The following SLC1A1 variants were observed in gnomAD, a reference collection of about 807,000 sequenced individuals.
The protein encoded by SLC1A1 is excitatory amino acid transporter 3.
A neutral mutation model predicts 53.3 loss-of-function variants in SLC1A1; 43 were observed. The observed-to-expected ratio is 0.81, with a 90% CI of 0.63 to 1.04. The LOEUF is 1.04. SLC1A1 is among the 50% of genes least tolerant of loss of function. SLC1A1 has a pLI of 0.00. For missense variants in SLC1A1, 748 were observed against 664.9 expected, an observed-to-expected ratio of 1.12 and a Z score of -1.37; for synonymous variants, 307 against 243.2, an observed-to-expected ratio of 1.26 and a Z score of -2.44.
chr9:4,497,372 C>G (rs1363488214), intron 1 of SLC1A1, among the ~76,000 whole-genome samples: 2 of 152,134 alleles, frequency 1.3e-5, no homozygotes, highest in Admixed American at 1.3e-4. Context: ...GATATTATTA[C>G]CCTATATTCT....
At chr9:4,529,074 G>A (rs56777089) in intron 1 of SLC1A1, among the ~76,000 whole-genome samples, 3,334 of 151,968 alleles carry the variant, frequency 0.022, 128 homozygotes, top group African/African-American at 0.077. Context: ...ATACTAACTC[G>A]TCCACCTCCT....
intron 2 of SLC1A1, among the ~76,000 whole-genome samples, chr9:4,555,054 G>A (rs559065712): frequency 2.0e-5 from 3 of 152,306 alleles, no homozygotes; most frequent in East Asian, 1.9e-4. Context: ...ACCTAAAGGC[G>A]ATAGAGGCAT....
chr9:4,584,136 T>G (rs1291674580), intron 11 of SLC1A1, among the ~76,000 whole-genome samples: 2 of 152,202 alleles, frequency 1.3e-5, no homozygotes, highest in East Asian at 3.8e-4. Flanking sequence ...TCCAGTGCTA[T>G]GTACTGTAGT....
chr9:4,509,872 C>G lies in SLC1A1; in HGVS notation c.91+19102C>G, dbSNP rs141962566. ...TTACTGAGATGGAATCTTGCTCTGT[C>G]CCCCAGGCTGGAGTGCAGTGGTATG... On this transcript the variant is annotated intron_variant, in intron 1 of 11. Transcript: ENST00000262352. Among the ~76,000 whole-genome samples the G allele has an allele frequency of 5.2e-3, 787 of 152,234 alleles. 5 individuals carry two copies. The highest frequency in any genetic ancestry group is 7.7e-3 in the Non-Finnish European group (522 of 68,008).
chr9:4,581,582 G>A (rs933015353), intron 10 of SLC1A1, among the ~76,000 whole-genome samples: 7 of 152,182 alleles, frequency 4.6e-5, no homozygotes, highest in Non-Finnish European at 7.3e-5. Flanking sequence ...AGCTGGCATG[G>A]ACACAAATCA....
At chr9:4,577,691 T>A (rs906541168) in intron 10 of SLC1A1, among the ~76,000 whole-genome samples, 2 of 152,168 alleles carry the variant, frequency 1.3e-5, no homozygotes, top group Non-Finnish European at 2.9e-5. Flanking sequence ...GCCAGGCTGG[T>A]CTTGAACTCC....
At chr9:4,557,626 T>A (rs1472786331) in intron 2 of SLC1A1, among the ~76,000 whole-genome samples, 1 of 148,986 alleles carries the variant, frequency 6.7e-6, no homozygotes, top group East Asian at 2.0e-4. Flanking sequence ...TCTCTACAAT[T>A]AAAAAAAAAA....
At chr9:4,529,382 CT>C (rs1259774214) in intron 1 of SLC1A1, among the ~76,000 whole-genome samples, 18 of 152,246 alleles carry the variant, frequency 1.2e-4, no homozygotes, top group Non-Finnish European at 1.6e-4. Context: ...ACCTTTAAGC[CT>C]TTGCAGTAGT....
chr9:4,538,343 G>A (rs1047431701), intron 1 of SLC1A1, among the ~76,000 whole-genome samples: 1 of 152,198 alleles, frequency 6.6e-6, no homozygotes, highest in African/African-American at 2.4e-5. Flanking sequence ...AAGAGACAAA[G>A]GTTGCATTCT....
intron 10 of SLC1A1, among the ~76,000 whole-genome samples, chr9:4,578,026 G>C (rs1378040086): frequency 1.3e-5 from 2 of 152,234 alleles, no homozygotes; most frequent in Non-Finnish European, 2.9e-5. Flanking sequence ...GGGCTTACCA[G>C]AACAGGAACG....
chr9:4,500,209 C>T (rs1458004785), intron 1 of SLC1A1, among the ~76,000 whole-genome samples: 2 of 152,096 alleles, frequency 1.3e-5, no homozygotes, highest in East Asian at 1.9e-4. Flanking sequence ...CAAGCACTCT[C>T]GAAGAAAATG....
intron 1 of SLC1A1, among the ~76,000 whole-genome samples, chr9:4,500,232 A>G (rs911026898): frequency 6.6e-6 from 1 of 152,234 alleles, no homozygotes; most frequent in Non-Finnish European, 1.5e-5. Flanking sequence ...CTCATTTTAG[A>G]TGACATTGAG....
chr9:4,576,614 C>G lies in SLC1A1; in HGVS notation c.1044C>G (p.Asn348Lys). 6.2e-7 allele frequency: 1 copy of G among 1,614,154 alleles called. No homozygotes were observed. The highest frequency in any genetic ancestry group is 8.5e-7 in the Non-Finnish European group (1 of 1,179,998). Residue 348 changes from asparagine to lysine, a missense_variant, in exon 10 of 12, where the codon AAC (asparagine) becomes AAG (lysine). Asn to Lys is a moderately conservative substitution (Grantham distance 94). Coordinates refer to ENST00000262352, the MANE Select transcript of SLC1A1 (RefSeq NM_004170.6). ...PVTFRCAEENNQVDKRITRFV... is the reference protein window; with the variant it reads ...PVTFRCAEENKQVDKRITRFV... ...CCTTCCGCTGTGCTGAAGAAAATAA[C>G]CAGGTGGACAAGAGGATCACTCGAT...
At chr9:4,559,613 C>T (rs950168674) in intron 2 of SLC1A1, among the ~76,000 whole-genome samples, 3 of 152,170 alleles carry the variant, frequency 2.0e-5, no homozygotes, top group Non-Finnish European at 4.4e-5. Context: ...ATGCTGATAG[C>T]CATACAGGTT....
At chr9:4,519,977 G>A (rs2130829007) in intron 1 of SLC1A1, among the ~76,000 whole-genome samples, 1 of 152,266 alleles carries the variant, frequency 6.6e-6, no homozygotes, top group South Asian at 2.1e-4. Context: ...GGGATTTTCA[G>A]ATCACACTGT....
chr9:4,505,664 CTTTT>C (rs1050846398), intron 1 of SLC1A1, among the ~76,000 whole-genome samples: 1 of 151,792 alleles, frequency 6.6e-6, no homozygotes, highest in Non-Finnish European at 1.5e-5. Context: ...TGTTGTTTTT[CTTTT>C]TGTTTTGGGA....
At chr9:4,579,718 G>C (rs1820881551) in intron 10 of SLC1A1, among the ~76,000 whole-genome samples, 1 of 152,180 alleles carries the variant, frequency 6.6e-6, no homozygotes, top group Non-Finnish European at 1.5e-5. Flanking sequence ...TTGCTTGACA[G>C]TTACCATTAT....
intron 1 of SLC1A1, among the ~76,000 whole-genome samples, chr9:4,502,874 C>A (rs551750098): frequency 3.1e-4 from 47 of 151,750 alleles, no homozygotes; most frequent in African/African-American, 1.1e-3. Context: ...ATCTTTATTG[C>A]GTGTGGTTAG....
At chr9:4,532,493 TGAGAA>T (rs1368225013) in intron 1 of SLC1A1, among the ~76,000 whole-genome samples, 1 of 151,768 alleles carries the variant, frequency 6.6e-6, no homozygotes, top group African/African-American at 2.4e-5. Context: ...TGAAATGAAG[TGAGAA>T]GAGAAGTTTA....
Sources: gnomAD v4.1 joint callset for allele counts (sites outside exome capture counted in the v4.1 genomes callset) on GRCh38, gnomAD v4.1.1 for gene constraint, MANE v1.5 for transcripts, NCBI Gene and HGNC (gene_info 2026-07-23, HGNC 2026-07-21) for gene names.